The following GRID1 variants were observed in gnomAD, a reference collection of about 807,000 sequenced individuals.
GRID1 encodes glutamate ionotropic receptor delta type subunit 1.
GRID1 carries 28 observed loss-of-function variants against 98.0 expected under a neutral mutation model. The observed-to-expected ratio is 0.29, with a 90% CI of 0.21 to 0.39. GRID1 has a LOEUF of 0.39. Among genes scored for constraint, GRID1 ranks in the 10% least tolerant of loss-of-function variants. The probability of loss-of-function intolerance (pLI) is 1.00; values close to 1 mark genes in which losing one functional copy is unlikely to be tolerated. For missense variants in GRID1, 1,111 were observed against 1,340.5 expected (o/e 0.83, Z 2.67); for synonymous variants, 553 against 538.5 (o/e 1.03, Z -0.37).
At chr10:86,203,518 G>A (rs1160314513) in intron 3 of GRID1, among the ~76,000 whole-genome samples, 1 of 90,600 alleles carries the variant, frequency 1.1e-5, no homozygotes, top group Non-Finnish European at 3.4e-5. Context: ...GCCAGGACGA[G>A]CACTGGGCAC....
chr10:86,067,287 C>T (rs1271348641), intron 4 of GRID1, among the ~76,000 whole-genome samples: 3 of 152,170 alleles, frequency 2.0e-5, no homozygotes, highest in Non-Finnish European at 4.4e-5. Flanking sequence ...CCAATTAAAC[C>T]TGGGGAGCTT....
At chr10:86,241,449 C>T (rs1218140900) in intron 2 of GRID1, among the ~76,000 whole-genome samples, 2 of 152,212 alleles carry the variant, frequency 1.3e-5, no homozygotes. Context: ...CTGGGCAATG[C>T]CCCTGCCAAA....
chr10:85,904,838 A>G (rs1435822396), intron 5 of GRID1, among the ~76,000 whole-genome samples: 2 of 152,158 alleles, frequency 1.3e-5, no homozygotes, highest in African/African-American at 4.8e-5. Flanking sequence ...AGAGAAAAAG[A>G]ACATCAGTGA....
At chr10:86,040,494 G>T (rs1843330340) in intron 4 of GRID1, among the ~76,000 whole-genome samples, 2 of 131,494 alleles carry the variant, frequency 1.5e-5, no homozygotes, top group South Asian at 2.5e-4. Context: ...AATACTACAT[G>T]ATCTCACTCA....
At chr10:86,063,224 T>C (rs1843672764) in intron 4 of GRID1, among the ~76,000 whole-genome samples, 1 of 152,202 alleles carries the variant, frequency 6.6e-6, no homozygotes, top group African/African-American at 2.4e-5. Context: ...GTCCATATGC[T>C]TGTGCTCAGG....
At chr10:85,873,986 C>A (rs1478663310) in intron 5 of GRID1, among the ~76,000 whole-genome samples, 1 of 152,200 alleles carries the variant, frequency 6.6e-6, no homozygotes, top group East Asian at 1.9e-4. Flanking sequence ...CAAAGCTGTG[C>A]ACAATCACAT....
At chr10:85,647,023 T>C in intron 13 of GRID1, 179 bp downstream of exon 13, 1 of 648,422 alleles carries the variant, frequency 1.5e-6, no homozygotes, top group Non-Finnish European at 2.8e-6. Flanking sequence ...GGAAGGTCCA[T>C]AAGAAGCAGA....
At chr10:85,938,608 C>A (rs141463567) in intron 4 of GRID1, among the ~76,000 whole-genome samples, 2 of 152,164 alleles carry the variant, frequency 1.3e-5, no homozygotes, top group African/African-American at 4.8e-5. Context: ...ACAAACGAGC[C>A]AGGATTTGAC....
At chr10:85,706,268 A>T (rs1590198027) in intron 12 of GRID1, among the ~76,000 whole-genome samples, 1 of 152,236 alleles carries the variant, frequency 6.6e-6, no homozygotes, top group African/African-American at 2.4e-5. Flanking sequence ...GCAAAGTCTC[A>T]GGATACAAAA....
At chr10:86,267,458 C>A (rs1271407195) in intron 2 of GRID1, among the ~76,000 whole-genome samples, 1 of 152,228 alleles carries the variant, frequency 6.6e-6, no homozygotes, top group African/African-American at 2.4e-5. Flanking sequence ...GGCGGCAGCC[C>A]CTACATCTCC....
At chr10:85,809,833 G>C (rs1842654451) in intron 8 of GRID1, among the ~76,000 whole-genome samples, 1 of 152,156 alleles carries the variant, frequency 6.6e-6, no homozygotes, top group African/African-American at 2.4e-5. Flanking sequence ...CTGTGGGAAA[G>C]GGAAAGCAGA....
At chr10:85,755,374 C>T (rs553404598) in intron 8 of GRID1, among the ~76,000 whole-genome samples, 25 of 152,338 alleles carry the variant, frequency 1.6e-4, no homozygotes, top group Admixed American at 1.4e-3. Context: ...TGGCCTTTCT[C>T]TCCACGTGGT....
chr10:86,238,668 CAAA>C (rs931719950), intron 2 of GRID1, among the ~76,000 whole-genome samples: 8 of 47,082 alleles, frequency 1.7e-4, no homozygotes, highest in Admixed American at 1.3e-3. Context: ...GATTCCATCT[CAAA>C]AAAAAAAAAA....
intron 8 of GRID1, among the ~76,000 whole-genome samples, chr10:85,769,988 G>A (rs970626366): frequency 1.3e-5 from 2 of 152,202 alleles, no homozygotes; most frequent in Non-Finnish European, 1.5e-5. Context: ...CTCCCAGCAT[G>A]CAGCTGGAGA....
At chr10:85,734,894 T>G (rs1283335102) in intron 8 of GRID1, among the ~76,000 whole-genome samples, 1 of 152,214 alleles carries the variant, frequency 6.6e-6, no homozygotes, top group Non-Finnish European at 1.5e-5. Context: ...AGGCTTTAAA[T>G]GGATCACCAG....
rs118134810 is a variant in GRID1, at chr10:85,666,803, C to T, written c.1998-19406G>A. 2.3e-4 allele frequency among the ~76,000 whole-genome samples: 35 copies of T among 152,212 alleles called. No homozygotes were observed. The East Asian group carries it at 5.8e-3, about 25-fold the overall frequency. On this transcript the variant is annotated intron_variant, in intron 12 of 15. Coordinates refer to ENST00000327946, the MANE Select transcript of GRID1 (RefSeq NM_017551.3). ...CTCAACTGGACCTTGTTCTGCCTAC[C>T]CAAGCTGGCTCCTCCCCCATACAGC... is the stretch of plus-strand genomic sequence containing the variant.
intron 5 of GRID1, among the ~76,000 whole-genome samples, chr10:85,887,011 A>G (rs962399048): frequency 7.9e-5 from 12 of 152,218 alleles, no homozygotes; most frequent in African/African-American, 2.7e-4. Flanking sequence ...AATAAAGTTT[A>G]TTTTCCTCTT....
At chr10:85,685,922 A>C (rs1331202421) in intron 12 of GRID1, among the ~76,000 whole-genome samples, 1 of 152,068 alleles carries the variant, frequency 6.6e-6, no homozygotes, top group African/African-American at 2.4e-5. Context: ...TTATTGAAAA[A>C]CAATATAAAA....
intron 2 of GRID1, among the ~76,000 whole-genome samples, chr10:86,354,903 C>T (rs958901480): frequency 6.6e-6 from 1 of 152,230 alleles, no homozygotes; most frequent in Non-Finnish European, 1.5e-5. Context: ...TCCTTCCCTG[C>T]TCTCTTGAGA....
Sources: allele counts gnomAD v4.1 joint callset (sites outside exome capture counted in the v4.1 genomes callset), GRCh38; gene constraint gnomAD v4.1.1; transcripts MANE v1.5; gene names NCBI Gene and HGNC (gene_info 2026-07-23, HGNC 2026-07-21).